The following HERC1 variants were observed in gnomAD, a reference collection of about 807,000 sequenced individuals.
HERC1 encodes probable E3 ubiquitin-protein ligase HERC1.
Under a neutral mutation model 554.3 loss-of-function variants are expected in HERC1, and 160 were observed. The ratio of observed to expected loss-of-function variants is 0.29; its 90% CI spans 0.25 to 0.33. The LOEUF is 0.33. HERC1 is among the 10% of genes least tolerant of loss of function. The pLI is 1.00. For synonymous variants in HERC1, 2,175 were observed against 2,131.7 expected, an observed-to-expected ratio of 1.02 and a Z score of -0.56; for missense variants, 4,919 against 5,918.5, an observed-to-expected ratio of 0.83 and a Z score of 5.54.
intron 48 of HERC1, 52 bp from the exon 49 acceptor site, chr15:63,656,410 G>C (rs1357721047): frequency 5.3e-6 from 8 of 1,510,368 alleles, no homozygotes; most frequent in Non-Finnish European, 6.3e-6. Context: ...GATTTCTTAA[G>C]GGACCATTTG....
chr15:63,755,165 T>C, intron 6 of HERC1, 64 bp downstream of exon 6: 1 of 1,122,152 alleles, frequency 8.9e-7, no homozygotes. Flanking sequence ...CTCTCACGGC[T>C]TCTCAGTAAC....
Position 63,713,543 on chromosome 15 carries a change from G to T in HERC1, c.4273C>A (p.Arg1425=), listed in dbSNP as rs1274296464. ...DDPPPQSQQE[R]RVSTDLPEGQ... is the part of the protein sequence containing the mutation. ...TCAGGAAGGTCTGTGCTGACCCTTC[G>T]CTCTTGCTGAGACTGAGGAGGTGGA... The change falls in exon 23 of 78, where the codon CGA becomes AGA. Residue 1425 remains arginine (R), a synonymous_variant. Coordinates refer to ENST00000443617, the MANE Select transcript of HERC1 (RefSeq NM_003922.4). 1 of 1,613,820 alleles carries T rather than the reference G, an allele frequency of 6.2e-7. No homozygotes were observed. Among genetic ancestry groups the T allele is most frequent in the African/African-American group, 1.3e-5 (1 of 74,910 alleles).
At chr15:63,819,591 A>C (rs1164925621) in intron 1 of HERC1, among the ~76,000 whole-genome samples, 2 of 152,158 alleles carry the variant, frequency 1.3e-5, no homozygotes, top group Non-Finnish European at 2.9e-5. Context: ...CTCTTCTAAC[A>C]TCTATTCCTC....
intron 25 of HERC1, among the ~76,000 whole-genome samples, chr15:63,704,302 A>G (rs2072887159): frequency 6.6e-6 from 1 of 152,228 alleles, no homozygotes; most frequent in South Asian, 2.1e-4. Context: ...GGAAAGATGA[A>G]GATTCTACTT....
rs769485169 is a variant in HERC1 at position 63,641,627 on chromosome 15, T to G, written c.11450A>C (p.Asn3817Thr). The change falls in exon 60 of 78, where the codon AAT becomes ACT. Residue 3817 changes from asparagine (N) to threonine (T), a missense_variant. Transcript: ENST00000443617. ...SNRSKDVLVV[N>T]CTAEWAAANH... ...GGCAGCTGCCCATTCTGCTGTACAA[T>G]TCACGACCAAAACATCCTGGTTGAA... 2 of 1,547,800 alleles carry G rather than the reference T, an allele frequency of 1.3e-6. No individual in the cohort carries two copies. The highest frequency in any genetic ancestry group is 1.2e-5 in the South Asian group (1 of 83,284).
At chr15:63,669,068 T>C (rs2070776600) in intron 40 of HERC1, among the ~76,000 whole-genome samples, 1 of 152,230 alleles carries the variant, frequency 6.6e-6, no homozygotes, top group Non-Finnish European at 1.5e-5. Flanking sequence ...ATACAAGATA[T>C]GTTCTCTGAC....
intron 37 of HERC1, 87 bp from the exon 38 acceptor site, chr15:63,675,204 GT>G: frequency 9.2e-7 from 1 of 1,089,420 alleles, no homozygotes; most frequent in Non-Finnish European, 1.3e-6. Flanking sequence ...ACAAAATAAG[GT>G]GCATCATGTA....
Position 63,694,516 on chromosome 15 carries a change from A to C in HERC1, c.5276T>G (p.Phe1759Cys). The C allele has an allele frequency of 6.2e-7, 1 of 1,614,064 alleles. No individual in the cohort carries two copies. The highest frequency in any genetic ancestry group is 8.5e-7 in the Non-Finnish European group (1 of 1,179,888). The change falls in exon 29 of 78, where the codon TTT becomes TGT. Residue 1759 changes from phenylalanine (F) to cysteine (C), a missense_variant. By Grantham distance (205) the Phe-to-Cys change is radical (BLOSUM62 -2). Transcript: ENST00000443617. The surrounding 1 kb of genome is among the most constrained non-coding windows in gnomAD (Gnocchi z 4.3). Reference protein sequence around the residue: ...AQQRLLLVTVFALSVHYQPVD... With the variant: ...AQQRLLLVTVCALSVHYQPVD... ...TGGTTGATAATGAACACTTAGGGCA[A>C]AAACTGTAACCAGAAGCAGACGTTG...
rs376035697 is a variant in HERC1 at position 63,609,079 on chromosome 15, G to C, written c.*2C>G. The C allele has an allele frequency of 5.6e-6, 9 of 1,612,242 alleles. No individual in the cohort carries two copies. In the African/African-American group the frequency reaches 6.7e-5, roughly 12 times the overall value. On this transcript the variant is annotated 3_prime_UTR_variant, in exon 78 of 78. Coordinates refer to ENST00000443617, the MANE Select transcript of HERC1 (RefSeq NM_003922.4). Reference sequence around the variant, plus strand: ...GAAGGGAGGGTGAGAGCACCCGCACGGTCAGTAGTCAGTGTCGGAGCCCTC... The same window carrying C: ...GAAGGGAGGGTGAGAGCACCCGCACCGTCAGTAGTCAGTGTCGGAGCCCTC...
At position 63,612,533 on chromosome 15, in the gene HERC1, C is replaced by T; in HGVS notation, c.14118G>A (p.Met4706Ile). Residue 4706 changes from methionine (M) to isoleucine (I), a missense_variant, in exon 77 of 78, where the codon ATG becomes ATA. Physicochemically the swap from Met to Ile is conservative, Grantham distance 10. Around this residue, in one of 11 missense-constraint regions of HERC1, gnomAD observed 284 missense variants for 294.1 expected, o/e 0.97. Transcript: ENST00000443617. The surrounding 1 kb of genome is among the most constrained non-coding windows in gnomAD (Gnocchi z 5.0). The stretch of plus-strand genomic sequence containing the variant: ...GCAGCGGCACAGGAACAATCCAGGA[C>T]ATCCCTTCTCGGACTGCAGCCACCT... ...DRQVAAVREG[M>I]SWIVPVPLLS... 1.2e-6 allele frequency: 2 copies of T among 1,613,792 alleles called. No homozygotes were observed. The highest frequency in any genetic ancestry group is 1.6e-4 in the Middle Eastern group (1 of 6,062).
chr15:63,776,013 G>C (rs2076102404), intron 1 of HERC1, among the ~76,000 whole-genome samples: 1 of 150,972 alleles, frequency 6.6e-6, no homozygotes, highest in Non-Finnish European at 1.5e-5. Context: ...ACTCCAGCCT[G>C]GGTGACAAAG....
intron 1 of HERC1, among the ~76,000 whole-genome samples, chr15:63,829,664 C>T (rs927515576): frequency 2.1e-5 from 3 of 145,764 alleles, no homozygotes; most frequent in Non-Finnish European, 4.5e-5. Context: ...ATAAACATAC[C>T]GAGTATACAG....
Position 63,622,857 on chromosome 15 carries a change from G to T in HERC1, c.13646C>A (p.Pro4549His). 1 of 1,604,990 alleles carries T rather than the reference G, an allele frequency of 6.2e-7. No homozygotes were observed. Residue 4549 changes from proline to histidine, a missense_variant, in exon 74 of 78, where the codon CCC becomes CAC. Pro to His is a moderately conservative substitution (Grantham distance 77). Coordinates refer to ENST00000443617, the MANE Select transcript of HERC1 (RefSeq NM_003922.4). The part of the protein sequence containing the change: ...LETGIVDLLI[P>H]SPNATAEVGY... ...CACTTCTGCGGTGGCATTGGGAGAGGGTATAAGAAGGTCAACAATACCAGT... is the reference window on the plus strand; with the variant it reads ...CACTTCTGCGGTGGCATTGGGAGAGTGTATAAGAAGGTCAACAATACCAGT...
At chr15:63,747,890 G>T in intron 10 of HERC1, 32 bp from the exon 11 acceptor site, 1 of 1,507,386 alleles carries the variant, frequency 6.6e-7, no homozygotes, top group Non-Finnish European at 8.9e-7. Flanking sequence ...TAATAAAACA[G>T]TCTTAAAATG....
intron 1 of HERC1, among the ~76,000 whole-genome samples, chr15:63,802,267 ACTC>A (rs998880715): frequency 6.6e-6 from 1 of 152,104 alleles, no homozygotes; most frequent in African/African-American, 2.4e-5. Context: ...GCAAAATTGA[ACTC>A]CTGCTAAAAA....
chr15:63,663,991 T>C (rs2070486513), intron 43 of HERC1, among the ~76,000 whole-genome samples: 2 of 152,344 alleles, frequency 1.3e-5, no homozygotes, highest in African/African-American at 2.4e-5. Flanking sequence ...ATATTTTACA[T>C]GCCCAGAACG....
intron 19 of HERC1, among the ~76,000 whole-genome samples, chr15:63,720,833 G>T (rs1188359085): frequency 5.9e-5 from 9 of 152,142 alleles, no homozygotes; most frequent in Non-Finnish European, 1.0e-4. Flanking sequence ...ACTCTTTGTT[G>T]TGTTTTAAAT....
At chr15:63,684,873 G>A (rs2071663590) in intron 34 of HERC1, among the ~76,000 whole-genome samples, 1 of 152,176 alleles carries the variant, frequency 6.6e-6, no homozygotes, top group Non-Finnish European at 1.5e-5. Flanking sequence ...GCCAGGCGTG[G>A]TGGCAGGCGC....
In HERC1 at chr15:63,764,395, T is replaced by C. The variant is rs978411957; in HGVS notation, c.931-204A>G. ...ACGAGCTGGCTACTGCATCACATGA[T>C]AAATTAAGTGCCAATCCCTCACTGA... On this transcript the variant is annotated intron_variant, in intron 2 of 77. Coordinates refer to ENST00000443617, the MANE Select transcript of HERC1 (RefSeq NM_003922.4). Among the ~76,000 whole-genome samples the C allele has an allele frequency of 1.3e-5, 2 of 152,178 alleles. 1 individual carries two copies. Among genetic ancestry groups the C allele is most frequent in the South Asian group, 4.1e-4 (2 of 4,834 alleles).
Sources: gnomAD v4.1 joint callset for allele counts (sites outside exome capture counted in the v4.1 genomes callset) on GRCh38, gnomAD v4.1.1 for gene constraint, gnomAD v4.1.1 regional missense constraint, Gnocchi (gnomAD v3.1) non-coding constraint, MANE v1.5 for transcripts, NCBI Gene and HGNC (gene_info 2026-07-23, HGNC 2026-07-21) for gene names.